COL25A1: variants seen among roughly 807,000 people sequenced by gnomAD.
The protein encoded by COL25A1 is collagen type XXV alpha 1 chain.
Under a neutral mutation model 128.4 loss-of-function variants are expected in COL25A1, and 103 were observed. The ratio of observed to expected loss-of-function variants is 0.80; its 90% confidence interval spans 0.68 to 0.94. COL25A1 has a LOEUF of 0.94. Ranked by LOEUF, COL25A1 falls within the 40% of genes least tolerant of loss-of-function variation. The probability of loss-of-function intolerance (pLI) is 0.00; values close to 1 mark genes in which losing one functional copy is unlikely to be tolerated. For missense variants in COL25A1, 745 were observed against 840.0 expected, an observed-to-expected ratio of 0.89 and a Z score of 1.40; for synonymous variants, 279 against 277.2, an observed-to-expected ratio of 1.01 and a Z score of -0.06.
intron 8 of COL25A1, among the ~76,000 whole-genome samples, chr4:108,968,754 T>C (rs555970482): frequency 6.6e-6 from 1 of 152,198 alleles, no homozygotes; most frequent in Non-Finnish European, 1.5e-5. Flanking sequence ...TCTAGTCTCA[T>C]GTTTCTGTTT....
chr4:109,200,664 C>A (rs1401660264), intron 3 of COL25A1, among the ~76,000 whole-genome samples: 1 of 152,130 alleles, frequency 6.6e-6, no homozygotes, highest in African/African-American at 2.4e-5. Flanking sequence ...GTTGGGCAGG[C>A]TGGTCTCCAA....
chr4:109,152,578 T>C (rs1166599386), intron 3 of COL25A1, among the ~76,000 whole-genome samples: 1 of 152,088 alleles, frequency 6.6e-6, no homozygotes, highest in Non-Finnish European at 1.5e-5. Context: ...ACAAAACAGA[T>C]AGCATTATTC....
intron 3 of COL25A1, among the ~76,000 whole-genome samples, chr4:109,086,727 G>A (rs761671549): frequency 6.6e-6 from 1 of 152,030 alleles, no homozygotes; most frequent in African/African-American, 2.4e-5. Context: ...CATCACCCAC[G>A]CCTGGCTATT....
At chr4:108,855,915 C>A (rs1372461401) in intron 24 of COL25A1, among the ~76,000 whole-genome samples, 1 of 152,050 alleles carries the variant, frequency 6.6e-6, no homozygotes, top group African/African-American at 2.4e-5. Flanking sequence ...CAAGTTAAAG[C>A]TATATAAACT....
chr4:108,828,281 G>T (rs1337159676), intron 32 of COL25A1, among the ~76,000 whole-genome samples: 1 of 152,062 alleles, frequency 6.6e-6, no homozygotes, highest in Non-Finnish European at 1.5e-5. Context: ...GGGAGTACAG[G>T]TGCCCGCCAC....
intron 3 of COL25A1, among the ~76,000 whole-genome samples, chr4:109,117,275 A>G (rs1217432744): frequency 6.6e-6 from 1 of 151,994 alleles, no homozygotes; most frequent in Non-Finnish European, 1.5e-5. Flanking sequence ...CACCTTATCT[A>G]TTGAGGAACA....
At chr4:109,236,575 G>A (rs1578512695) in intron 3 of COL25A1, among the ~76,000 whole-genome samples, 1 of 151,940 alleles carries the variant, frequency 6.6e-6, no homozygotes, top group African/African-American at 2.4e-5. Flanking sequence ...TATAAGCCTG[G>A]CACAAAATTT....
chr4:109,266,922 A>C (rs747149003), intron 3 of COL25A1, among the ~76,000 whole-genome samples: 1 of 152,208 alleles, frequency 6.6e-6, no homozygotes, highest in Non-Finnish European at 1.5e-5. Flanking sequence ...GCATCACTTG[A>C]ATCTGAGATC....
At chr4:109,260,989 ATTG>A (rs1211887120) in intron 3 of COL25A1, among the ~76,000 whole-genome samples, 15 of 152,334 alleles carry the variant, frequency 9.8e-5, no homozygotes, top group African/African-American at 3.1e-4. Flanking sequence ...AATTATTGCT[ATTG>A]TTATTACCAT....
chr4:108,865,787 T>C (rs1204799535), intron 20 of COL25A1, among the ~76,000 whole-genome samples: 1 of 152,232 alleles, frequency 6.6e-6, no homozygotes, highest in Non-Finnish European at 1.5e-5. Flanking sequence ...AGAGGGGACC[T>C]TGCTATGTTG....
Position 109,197,210 on chromosome 4 carries a change from C to T in COL25A1, c.367+103373G>A, listed in dbSNP as rs555911288. ...GTGTGGCGGTGCATGCCTCTAATCC[C>T]AGCTACTCAGAAGGCTGAGGCAGGA... On this transcript the variant is annotated intron_variant, in intron 3 of 37. Coordinates refer to ENST00000399132, the MANE Select transcript of COL25A1 (RefSeq NM_198721.4). Among the ~76,000 whole-genome samples the T allele has an allele frequency of 5.4e-5, 8 of 149,406 alleles. No individual in the cohort carries two copies. In the East Asian group the frequency reaches 1.6e-3, roughly 29 times the overall value.
chr4:109,076,055 T>G (rs1763349784), intron 3 of COL25A1, among the ~76,000 whole-genome samples: 1 of 152,196 alleles, frequency 6.6e-6, no homozygotes, highest in African/African-American at 2.4e-5. Context: ...TATGTTGTAT[T>G]AGGTATTATA....
At chr4:108,869,845 T>C (rs1180047842) in intron 19 of COL25A1, among the ~76,000 whole-genome samples, 1 of 152,176 alleles carries the variant, frequency 6.6e-6, no homozygotes, top group Admixed American at 6.5e-5. Flanking sequence ...CTGGAGCAGT[T>C]GTTAATATTT....
intron 3 of COL25A1, among the ~76,000 whole-genome samples, chr4:109,219,908 T>C (rs1421623208): frequency 6.6e-6 from 1 of 152,226 alleles, no homozygotes; most frequent in East Asian, 1.9e-4. Context: ...CATTTTTATC[T>C]CTATGCTATT....
intron 3 of COL25A1, among the ~76,000 whole-genome samples, chr4:109,254,670 T>C (rs940935451): frequency 2.6e-5 from 4 of 151,560 alleles, no homozygotes; most frequent in Non-Finnish European, 5.9e-5. Context: ...GCCTTGCATA[T>C]AGTAGATAGT....
Position 108,811,169 on chromosome 4 carries a change from C to T in COL25A1, c.*2758G>A, listed in dbSNP as rs1730762817. The T allele has an allele frequency of 6.6e-6, 1 of 151,956 alleles. No homozygotes were observed. Among genetic ancestry groups the T allele is most frequent in the African/African-American group, 2.4e-5 (1 of 41,422 alleles). 9.4% of individuals were successfully genotyped at this position (151,956 alleles called of 1,614,324 possible). ...CACTTAGAAATTATTTAAGAATTCTCTATATGACAAAATGGATGCTTGAAA... is the reference window on the plus strand; with the variant it reads ...CACTTAGAAATTATTTAAGAATTCTTTATATGACAAAATGGATGCTTGAAA... On this transcript the variant is annotated 3_prime_UTR_variant, in exon 38 of 38. Coordinates refer to ENST00000399132, the MANE Select transcript of COL25A1 (RefSeq NM_198721.4).
intron 3 of COL25A1, among the ~76,000 whole-genome samples, chr4:109,202,145 A>C (rs1776602130): frequency 6.6e-6 from 1 of 152,190 alleles, no homozygotes; most frequent in Admixed American, 6.5e-5. Flanking sequence ...TGAAAGGGCC[A>C]AAGACCCAGA....
chr4:108,958,792 C>G (rs1750349329), intron 8 of COL25A1, among the ~76,000 whole-genome samples: 1 of 151,892 alleles, frequency 6.6e-6, no homozygotes, highest in Non-Finnish European at 1.5e-5. Flanking sequence ...AACATAAATT[C>G]TGTTGGAATC....
At chr4:109,028,138 T>C (rs1398449623) in intron 5 of COL25A1, among the ~76,000 whole-genome samples, 3 of 152,152 alleles carry the variant, frequency 2.0e-5, no homozygotes, top group Non-Finnish European at 4.4e-5. Flanking sequence ...ATTCATTCAT[T>C]CACTGAGACA....
Sources: gnomAD v4.1 joint callset for allele counts (sites outside exome capture counted in the v4.1 genomes callset) on GRCh38, gnomAD v4.1.1 for gene constraint, MANE v1.5 for transcripts, NCBI Gene and HGNC (gene_info 2026-07-23, HGNC 2026-07-21) for gene names.